Variants in KIAA1671 observed in about 807,000 individuals in gnomAD.
KIAA1671 encodes the protein uncharacterized protein KIAA1671.
In KIAA1671, 52 loss-of-function variants were observed where a neutral mutation model predicts 131.2. The ratio of observed to expected loss-of-function variants is 0.40; its 90% CI spans 0.32 to 0.50. KIAA1671 has a LOEUF of 0.50. Ranked by LOEUF, KIAA1671 falls within the 20% of genes least tolerant of loss-of-function variation. The pLI is 0.73. For missense variants in KIAA1671, 2,360 were observed against 2,364.2 expected (o/e 1.00, Z 0.04); for synonymous variants, 1,003 against 961.6 (o/e 1.04, Z -0.80).
Position 25,039,652 on chromosome 22 carries a change from A to C in KIAA1671, c.2522A>C (p.His841Pro). The change falls in exon 5 of 13, where the codon CAC becomes CCC. Residue 841 changes from histidine (H) to proline (P), a missense_variant. His to Pro is a moderately conservative substitution (Grantham distance 77). Coordinates refer to ENST00000358431, the MANE Select transcript of KIAA1671 (RefSeq NM_001145206.2). ...GCCACCGTGGCAGTCAGCGAAGAGC[A>C]CTGTGCTCCCGGGGCCACCTCCGTC... ...HKATVAVSEEHCAPGATSVRA... is the reference protein window; with the variant it reads ...HKATVAVSEEPCAPGATSVRA... The C allele has an allele frequency of 6.5e-7, 1 of 1,541,616 alleles. No homozygotes were observed. Among genetic ancestry groups the C allele is most frequent in the Non-Finnish European group, 8.8e-7 (1 of 1,139,728 alleles).
intron 1 of KIAA1671, among the ~76,000 whole-genome samples, chr22:25,001,835 G>A (rs1358484773): frequency 6.6e-6 from 1 of 152,140 alleles, no homozygotes; most frequent in Non-Finnish European, 1.5e-5. Context: ...CAGGATTCCT[G>A]TAGCTGGGAG....
chr22:25,149,922 A>T (rs1451374941), intron 6 of KIAA1671, among the ~76,000 whole-genome samples: 1 of 151,146 alleles, frequency 6.6e-6, no homozygotes, highest in Non-Finnish European at 1.5e-5. Flanking sequence ...GCCTTCCCTG[A>T]CCCCCTCCCC....
chr22:24,981,522 C>T (rs1354427827), intron 1 of KIAA1671, among the ~76,000 whole-genome samples: 2 of 152,140 alleles, frequency 1.3e-5, no homozygotes, highest in African/African-American at 4.8e-5. Context: ...GAGAAACTCC[C>T]TGGGGAGCTT....
chr22:25,105,927 C>A, intron 6 of KIAA1671, among the ~76,000 whole-genome samples: 1 of 151,954 alleles, frequency 6.6e-6, no homozygotes, highest in East Asian at 1.9e-4. Context: ...TGAGTGATAA[C>A]CATATTAATA....
At chr22:25,076,416 C>T (rs1394158849) in intron 6 of KIAA1671, among the ~76,000 whole-genome samples, 1 of 152,164 alleles carries the variant, frequency 6.6e-6, no homozygotes, top group Admixed American at 6.5e-5. Flanking sequence ...AGGTTTTCTG[C>T]AAAGTTGTCA....
At chr22:25,118,314 A>G (rs1931778261) in intron 6 of KIAA1671, among the ~76,000 whole-genome samples, 1 of 151,654 alleles carries the variant, frequency 6.6e-6, no homozygotes. Context: ...CTTCTCTGTC[A>G]TCTCCTTTCC....
chr22:24,981,373 C>T (rs906987958), intron 1 of KIAA1671, among the ~76,000 whole-genome samples: 10 of 152,122 alleles, frequency 6.6e-5, no homozygotes, highest in Admixed American at 1.3e-4. Flanking sequence ...CTCACTGACC[C>T]GGGGCACACC....
chr22:25,058,500 CT>C (rs1487641440), intron 6 of KIAA1671: 3 of 152,038 alleles, frequency 2.0e-5, no homozygotes, highest in African/African-American at 4.8e-5. Context: ...GGATTCCCCC[CT>C]ATTGTCTGGG....
intron 1 of KIAA1671, among the ~76,000 whole-genome samples, chr22:25,022,021 G>A (rs1194208776): frequency 2.0e-5 from 3 of 151,842 alleles, no homozygotes; most frequent in Non-Finnish European, 1.5e-5. Flanking sequence ...TGATCTGCTC[G>A]CCTCAGCCTC....
At chr22:25,093,886 C>G (rs1411338989) in intron 6 of KIAA1671, among the ~76,000 whole-genome samples, 3 of 115,564 alleles carry the variant, frequency 2.6e-5, no homozygotes, top group Admixed American at 9.2e-5. Flanking sequence ...CTCTCTCTCT[C>G]CCTTCTGCTT....
intron 6 of KIAA1671, among the ~76,000 whole-genome samples, chr22:25,090,191 C>T (rs982327351): frequency 5.9e-5 from 9 of 152,232 alleles, no homozygotes; most frequent in Non-Finnish European, 1.2e-4. Context: ...AGGGTTTGCA[C>T]TGGAGTGTGC....
intron 11 of KIAA1671, chr22:25,185,759 G>C (rs146012058): frequency 6.6e-6 from 1 of 152,386 alleles, no homozygotes; most frequent in Non-Finnish European, 1.5e-5. Context: ...TGTGGGAAAA[G>C]GTACTTGACC....
intron 1 of KIAA1671, among the ~76,000 whole-genome samples, chr22:24,986,646 T>TCCACCCACCCACCCAA (rs1569198976): frequency 8.3e-5 from 1 of 12,072 alleles, no homozygotes; most frequent in Non-Finnish European, 1.6e-4. Context: ...CACCCACCCA[T>TCCACCCACCCACCCAA]CCACCCACCC....
chr22:24,994,008 C>G (rs1923975944), intron 1 of KIAA1671, among the ~76,000 whole-genome samples: 1 of 151,838 alleles, frequency 6.6e-6, no homozygotes, highest in Non-Finnish European at 1.5e-5. Context: ...TTGAACCCAG[C>G]AGGTGGAGGT....
At position 25,040,129 on chromosome 22, in the gene KIAA1671, A is replaced by T. The variant is rs1926831746; in HGVS notation, c.2999A>T (p.Gln1000Leu). The change falls in exon 5 of 13, where the codon CAG (glutamine) becomes CTG (leucine). Residue 1000 changes from glutamine to leucine, a missense_variant. Around this residue, in one of 3 missense-constraint regions of KIAA1671, gnomAD observed 1,161 missense variants for 1,204.7 expected, o/e 0.96. Transcript: ENST00000358431. ...PQLSHYRVET[Q>L]EVNPGASRDQ... Reference sequence around the variant, plus strand: ...CTATCCCACTACAGGGTGGAGACCCAGGAGGTGAACCCAGGTGCTTCACGG... The same window carrying T: ...CTATCCCACTACAGGGTGGAGACCCTGGAGGTGAACCCAGGTGCTTCACGG... 6.4e-6 allele frequency: 10 copies of T among 1,551,720 alleles called. No homozygotes were observed. In the South Asian group the frequency reaches 1.2e-4, roughly 18 times the overall value.
intron 6 of KIAA1671, among the ~76,000 whole-genome samples, chr22:25,093,834 GTC>G (rs1568951583): frequency 5.9e-5 from 1 of 16,940 alleles, no homozygotes; most frequent in Non-Finnish European, 1.1e-4. Context: ...TTCTCTCTCT[GTC>G]TGTCTCTCTC....
At chr22:25,136,953 A>G (rs537071412) in intron 6 of KIAA1671, among the ~76,000 whole-genome samples, 1 of 152,304 alleles carries the variant, frequency 6.6e-6, no homozygotes, top group Non-Finnish European at 1.5e-5. Flanking sequence ...AATGTGAAAT[A>G]GTGAGGTTTA....
intron 11 of KIAA1671, among the ~76,000 whole-genome samples, chr22:25,188,628 C>G (rs1934557846): frequency 6.6e-6 from 1 of 152,122 alleles, no homozygotes; most frequent in South Asian, 2.1e-4. Flanking sequence ...AAGCCTCACT[C>G]ATAACCACAT....
intron 1 of KIAA1671, among the ~76,000 whole-genome samples, chr22:24,993,645 C>T (rs1923959515): frequency 6.6e-6 from 1 of 152,226 alleles, no homozygotes; most frequent in African/African-American, 2.4e-5. Context: ...CTGTCTTTTC[C>T]ACCTTCCACC....
Sources: allele counts gnomAD v4.1 joint callset (sites outside exome capture counted in the v4.1 genomes callset), GRCh38; gene constraint gnomAD v4.1.1; regional missense constraint gnomAD v4.1.1; transcripts MANE v1.5; gene names NCBI Gene and HGNC (gene_info 2026-07-23, HGNC 2026-07-21).